The following ME3 variants were observed in gnomAD, a reference collection of about 807,000 sequenced individuals.
The protein encoded by ME3 is malic enzyme 3, also known as NADP-dependent malic enzyme, mitochondrial.
ME3 carries 48 observed loss-of-function variants against 68.9 expected under a neutral mutation model. The observed-to-expected ratio is 0.70, with a 90% CI of 0.55 to 0.89. ME3 has a LOEUF of 0.89. Among genes scored for constraint, ME3 ranks in the 40% least tolerant of loss-of-function variants. The pLI is 0.00. For synonymous variants in ME3, 320 were observed against 318.8 expected, an observed-to-expected ratio of 1.00 and a Z score of -0.04; for missense variants, 675 against 797.4, an observed-to-expected ratio of 0.85 and a Z score of 1.85.
rs116984402 is a variant in ME3, at chr11:86,507,581, G to C, written c.543+1211C>G. On this transcript the variant is annotated intron_variant, in intron 5 of 14. Transcript: ENST00000543262. ...GTTTCCAGAAGTAACAATGATCTTA[G>C]ATACCAGAACCCCTCAAACTCCTCC... 6.9e-3 allele frequency among the ~76,000 whole-genome samples: 1,056 copies of C among 152,298 alleles called. 4 individuals are homozygous for C. Among genetic ancestry groups the C allele is most frequent in the Non-Finnish European group, 0.01 (696 of 68,020 alleles).
chr11:86,456,997 C>T (rs543284542), intron 8 of ME3, among the ~76,000 whole-genome samples: 19 of 152,332 alleles, frequency 1.2e-4, no homozygotes, highest in Admixed American at 5.2e-4. Flanking sequence ...ACCACCAAGT[C>T]TTCAGACCCT....
chr11:86,567,841 G>T (rs1259568247), intron 2 of ME3, among the ~76,000 whole-genome samples: 1 of 152,198 alleles, frequency 6.6e-6, no homozygotes, highest in Non-Finnish European at 1.5e-5. Flanking sequence ...GTTCACTAGG[G>T]CTTAAGGGGG....
rs557971788 is a variant in ME3 at position 86,598,331 on chromosome 11, G to A, written c.184-38508C>T. On this transcript the variant is annotated intron_variant, in intron 2 of 14. Coordinates refer to ENST00000543262, the Ensembl canonical transcript of ME3. The stretch of plus-strand genomic sequence containing the variant: ...CTGGCTTGGAGGGTCCTACGCCCAC[G>A]GAGTCTCGCTCATTGCTAGCACAGC... Among the ~76,000 whole-genome samples the A allele has an allele frequency of 1.2e-3, 188 of 152,308 alleles. 2 individuals carry two copies. Among genetic ancestry groups the A allele is most frequent in the African/African-American group, 3.9e-3 (162 of 41,572 alleles).
At chr11:86,522,361 CTTT>C (rs139483078) in intron 4 of ME3, among the ~76,000 whole-genome samples, 5 of 141,630 alleles carry the variant, frequency 3.5e-5, no homozygotes, top group Non-Finnish European at 1.6e-5. Flanking sequence ...CTATTTTTTT[CTTT>C]TTTTTTTTTT....
At chr11:86,483,801 T>A (rs182115288) in intron 7 of ME3, among the ~76,000 whole-genome samples, 1 of 152,176 alleles carries the variant, frequency 6.6e-6, no homozygotes, top group Non-Finnish European at 1.5e-5. Context: ...AGGCCAATTA[T>A]CAGACAGAGT....
intron 2 of ME3, among the ~76,000 whole-genome samples, chr11:86,563,900 G>A (rs1224409272): frequency 6.6e-6 from 1 of 152,026 alleles, no homozygotes; most frequent in Admixed American, 6.6e-5. Context: ...CAACTTTGTT[G>A]TTTTAGCTTA....
intron 8 of ME3, among the ~76,000 whole-genome samples, chr11:86,456,939 C>A (rs544568012): frequency 3.3e-5 from 5 of 152,158 alleles, no homozygotes; most frequent in Non-Finnish European, 7.3e-5. Context: ...TGGAGAGTGA[C>A]GCTCAAGGGA....
At chr11:86,557,984 C>A (rs1277253295) in intron 3 of ME3, among the ~76,000 whole-genome samples, 1 of 152,076 alleles carries the variant, frequency 6.6e-6, no homozygotes, top group Non-Finnish European at 1.5e-5. Flanking sequence ...CTTAGCGTGT[C>A]CCCAAGCACC....
At chr11:86,460,091 C>G (rs545394245) in intron 8 of ME3, among the ~76,000 whole-genome samples, 7 of 152,332 alleles carry the variant, frequency 4.6e-5, no homozygotes, top group Admixed American at 4.6e-4. Context: ...GCCTTTCTTT[C>G]CTCCCTAAGA....
At chr11:86,479,894 A>G (rs1951298336) in intron 7 of ME3, among the ~76,000 whole-genome samples, 1 of 151,368 alleles carries the variant, frequency 6.6e-6, no homozygotes, top group Admixed American at 6.6e-5. Flanking sequence ...AGCTCACTGC[A>G]ACCTCCACCT....
At chr11:86,570,904 C>T (rs952473422) in intron 2 of ME3, among the ~76,000 whole-genome samples, 3 of 152,206 alleles carry the variant, frequency 2.0e-5, no homozygotes, top group East Asian at 1.9e-4. Context: ...AACAAAAGTT[C>T]TGCATTCAGT....
chr11:86,485,536 A>T (rs973152636), intron 7 of ME3, among the ~76,000 whole-genome samples: 7 of 152,130 alleles, frequency 4.6e-5, no homozygotes, highest in Non-Finnish European at 8.8e-5. Flanking sequence ...AGCTGCAAAC[A>T]TCTAACTTTC....
chr11:86,611,309 A>G (rs1942555195), intron 2 of ME3, among the ~76,000 whole-genome samples: 1 of 152,070 alleles, frequency 6.6e-6, no homozygotes, highest in Non-Finnish European at 1.5e-5. Flanking sequence ...CTCTCCTTAC[A>G]GCAGACACTT....
chr11:86,657,726 GA>G (rs935963412), intron 2 of ME3, among the ~76,000 whole-genome samples: 2 of 151,724 alleles, frequency 1.3e-5, no homozygotes, highest in Non-Finnish European at 2.9e-5. Context: ...TTTTCCTTTA[GA>G]AAAAAAATAA....
intron 2 of ME3, among the ~76,000 whole-genome samples, chr11:86,660,511 G>A (rs1394063225): frequency 2.6e-5 from 4 of 152,190 alleles, no homozygotes; most frequent in Admixed American, 6.5e-5. Flanking sequence ...GGAAATGGAG[G>A]TTCAGAGAAA....
intron 2 of ME3, among the ~76,000 whole-genome samples, chr11:86,617,984 G>A (rs1199937374): frequency 1.3e-5 from 2 of 152,074 alleles, no homozygotes; most frequent in Non-Finnish European, 2.9e-5. Flanking sequence ...ATCGGACCTG[G>A]AGTCTAGGAC....
chr11:86,600,553 A>G (rs1034289616), intron 2 of ME3, among the ~76,000 whole-genome samples: 1 of 148,234 alleles, frequency 6.7e-6, no homozygotes, highest in Non-Finnish European at 1.5e-5. Context: ...CGAGACAGAA[A>G]GTTAACAAGG....
At chr11:86,628,334 G>A (rs1288600667) in intron 2 of ME3, among the ~76,000 whole-genome samples, 1 of 152,130 alleles carries the variant, frequency 6.6e-6, no homozygotes, top group African/African-American at 2.4e-5. Flanking sequence ...CTGGGCCCTG[G>A]TCCTGGGGCA....
Position 86,446,324 on chromosome 11 carries a change from A to G in ME3, c.1544T>C (p.Leu515Pro), listed in dbSNP as rs200622995. ...CAAGGACAGTGATACCTCTGCTGTCAGGAGGAAGATCTCATCTGGGATGTG... is the reference window on the plus strand; with the variant it reads ...CAAGGACAGTGATACCTCTGCTGTCGGGAGGAAGATCTCATCTGGGATGTG... The change falls in exon 13 of 15, where the codon CTG becomes CCG. Residue 515 changes from leucine (L) to proline (P), a missense_variant. By Grantham distance (98) the Leu-to-Pro change is moderately conservative (BLOSUM62 -3). Transcript: ENST00000543262. 154 of 1,614,118 alleles carry G rather than the reference A, an allele frequency of 9.5e-5. 1 individual carries two copies. The highest frequency in any genetic ancestry group is 5.1e-6 in the Non-Finnish European group (6 of 1,180,034).
Sources: allele counts gnomAD v4.1 joint callset (sites outside exome capture counted in the v4.1 genomes callset), GRCh38; gene constraint gnomAD v4.1.1; transcripts MANE v1.5; gene names NCBI Gene and HGNC (gene_info 2026-07-23, HGNC 2026-07-21).